TXNDC8: variants seen among roughly 807,000 people sequenced by gnomAD.
The protein encoded by TXNDC8 is thioredoxin domain containing 8.
Under a neutral mutation model 12.9 loss-of-function variants are expected in TXNDC8, and 15 were observed. The ratio of observed to expected loss-of-function variants is 1.16; its 90% CI spans 0.78 to 1.79. The LOEUF is 1.79. Among genes scored for constraint, TXNDC8 ranks in the 40% most tolerant of loss-of-function variants. The pLI, the probability that TXNDC8 is intolerant of heterozygous loss-of-function variation, is 0.00. For missense variants in TXNDC8, 128 were observed against 113.2 expected (o/e 1.13, Z -0.59); for synonymous variants, 40 against 35.4 (o/e 1.13, Z -0.46).
chr9:110,333,087 A>G (rs78390212), intron 2 of TXNDC8, among the ~76,000 whole-genome samples: 7,818 of 152,246 alleles, frequency 0.051, 241 homozygotes, highest in Non-Finnish European at 0.076. Context: ...GGGAAGGAGT[A>G]AATGAGTTGT....
At chr9:110,328,040 C>T (rs1447993273) in intron 2 of TXNDC8, among the ~76,000 whole-genome samples, 1 of 152,178 alleles carries the variant, frequency 6.6e-6, no homozygotes, top group Admixed American at 6.5e-5. Context: ...ATGCTCTGGG[C>T]ACCATGTCAT....
chr9:110,309,130 C>G (rs1838566141), intron 3 of TXNDC8, among the ~76,000 whole-genome samples: 1 of 152,062 alleles, frequency 6.6e-6, no homozygotes, highest in South Asian at 2.1e-4. Context: ...ATTGCTTTTT[C>G]TCTGAAAATT....
Position 110,334,394 on chromosome 9 carries a change from CAGAT to C in TXNDC8, c.25-78_25-75del, listed in dbSNP as rs1481983873. On this transcript the variant is annotated intron_variant, in intron 1 of 4. Coordinates refer to ENST00000423740, the MANE Select transcript of TXNDC8 (RefSeq NM_001286946.2). Reference sequence around the variant, plus strand: ...TGACATTTTGTAGAGAAGAAGATGACAGATTAGTTTTGGTTTTGTTTTTGGTTTT... The same window carrying C: ...TGACATTTTGTAGAGAAGAAGATGACTAGTTTTGGTTTTGTTTTTGGTTTT... 1.4e-5 allele frequency: 19 copies of C among 1,368,186 alleles called. No individual in the cohort carries two copies. The East Asian group carries it at 4.6e-4, about 33-fold the overall frequency. The allele number at this position is 1,368,186 out of a possible 1,614,324, so 84.8% of individuals were successfully genotyped here. A position where few individuals can be genotyped will look rare whatever the true frequency, so the allele number is the denominator to read the frequency against.
chr9:110,316,557 A>G (rs909841017), intron 3 of TXNDC8, among the ~76,000 whole-genome samples: 10 of 152,232 alleles, frequency 6.6e-5, no homozygotes, highest in African/African-American at 7.2e-5. Flanking sequence ...AATAAAAATC[A>G]AGCAAGCAGC....
intron 3 of TXNDC8, among the ~76,000 whole-genome samples, chr9:110,324,986 C>T (rs1839248596): frequency 6.6e-6 from 1 of 152,118 alleles, no homozygotes; most frequent in South Asian, 2.1e-4. Flanking sequence ...TTGGTTCTTG[C>T]CTGTAATCCC....
At chr9:110,335,831 G>T (rs1839729515) in intron 1 of TXNDC8, among the ~76,000 whole-genome samples, 1 of 152,272 alleles carries the variant, frequency 6.6e-6, no homozygotes, top group Non-Finnish European at 1.5e-5. Context: ...GTCAAGCAAG[G>T]CCTATTCCCA....
intron 3 of TXNDC8, among the ~76,000 whole-genome samples, chr9:110,307,556 G>A (rs1325298421): frequency 6.6e-6 from 1 of 152,262 alleles, no homozygotes; most frequent in South Asian, 2.1e-4. Context: ...TGCCCAAAGT[G>A]TTGTGAGAGG....
intron 2 of TXNDC8, among the ~76,000 whole-genome samples, chr9:110,327,334 T>TTC: frequency 6.6e-6 from 1 of 152,002 alleles, no homozygotes; most frequent in South Asian, 2.1e-4. Flanking sequence ...ATATTTTTTT[T>TTC]TTTTTGAGAT....
rs563169772 is a variant in TXNDC8 at position 110,322,345 on chromosome 9, G to A, written c.195+3830C>T. On this transcript the variant is annotated intron_variant, in intron 3 of 4. Coordinates refer to ENST00000423740, the MANE Select transcript of TXNDC8 (RefSeq NM_001286946.2). ...AATATGGAAGTGTAATCATCTTAAT[G>A]GTTTAATTTGTTTTCTAATAGCTGC... The A allele has an allele frequency of 1.0e-5, 10 of 980,162 alleles. No homozygotes were observed. The African/African-American group carries it at 1.7e-4, about 17-fold the overall frequency. 60.7% of individuals were successfully genotyped at this position (980,162 alleles called of 1,614,324 possible). A position where few individuals can be genotyped will look rare whatever the true frequency, so the allele number is the denominator to read the frequency against.
At chr9:110,323,028 C>T (rs1029301758) in intron 3 of TXNDC8, 45 of 985,236 alleles carry the variant, frequency 4.6e-5, no homozygotes, top group Non-Finnish European at 5.4e-5. Flanking sequence ...TGAATGCCAG[C>T]CTTAAATACA....
At chr9:110,319,777 C>A (rs1471401415) in intron 3 of TXNDC8, among the ~76,000 whole-genome samples, 3 of 152,134 alleles carry the variant, frequency 2.0e-5, no homozygotes, top group African/African-American at 7.2e-5. Flanking sequence ...AGTGTGTGAC[C>A]CTTGCTTCCA....
rs561175712 is a variant in TXNDC8, at chr9:110,330,902, G to GT, written c.129+3313dup. ...AACCCACATTTTCTTATGATTCACT[G>GT]TTTTTTTTTTCTTGTTGTAATACAT... On this transcript the variant is annotated intron_variant, in intron 2 of 4. Coordinates refer to ENST00000423740, the MANE Select transcript of TXNDC8 (RefSeq NM_001286946.2). 9.6e-4 allele frequency among the ~76,000 whole-genome samples: 144 copies of GT among 149,282 alleles called. 1 individual carries two copies. The highest frequency in any genetic ancestry group is 1.8e-3 in the African/African-American group (72 of 40,766).
intron 3 of TXNDC8, chr9:110,323,351 G>A (rs1839184525): frequency 2.0e-6 from 2 of 985,254 alleles, no homozygotes; most frequent in African/African-American, 3.5e-5. Context: ...GAGAGATAAA[G>A]TCAAAAGAGA....
chr9:110,323,755 ACT>A (rs1839199390), intron 3 of TXNDC8: 2 of 1,292,812 alleles, frequency 1.5e-6, no homozygotes, highest in South Asian at 1.5e-5. Flanking sequence ...TCTTGGCTTG[ACT>A]CTGTTTTCTT....
intron 3 of TXNDC8, among the ~76,000 whole-genome samples, chr9:110,305,206 TA>T (rs1463371961): frequency 6.6e-6 from 1 of 151,792 alleles, no homozygotes; most frequent in Non-Finnish European, 1.5e-5. Context: ...TAATTGTTTT[TA>T]AAAAATAGAA....
At chr9:110,329,834 T>C (rs1023820181) in intron 2 of TXNDC8, among the ~76,000 whole-genome samples, 2 of 152,214 alleles carry the variant, frequency 1.3e-5, no homozygotes, top group Non-Finnish European at 2.9e-5. Context: ...CTCTGTGCTC[T>C]ACTATGTGTG....
At chr9:110,331,908 G>T (rs1839561302) in intron 2 of TXNDC8, among the ~76,000 whole-genome samples, 1 of 152,188 alleles carries the variant, frequency 6.6e-6, no homozygotes, top group Non-Finnish European at 1.5e-5. Context: ...CTGATCCATG[G>T]CTTGGGGGTT....
At chr9:110,328,706 T>C (rs1007046077) in intron 2 of TXNDC8, among the ~76,000 whole-genome samples, 3 of 152,212 alleles carry the variant, frequency 2.0e-5, no homozygotes, top group Non-Finnish European at 4.4e-5. Context: ...CTCGGGAGGC[T>C]GAGGCAGGAG....
intron 3 of TXNDC8, among the ~76,000 whole-genome samples, chr9:110,305,275 A>G (rs61427497): frequency 6.6e-6 from 1 of 152,130 alleles, no homozygotes; most frequent in Non-Finnish European, 1.5e-5. Flanking sequence ...TCTTCCACTC[A>G]ACATGATGTT....
Sources: allele counts gnomAD v4.1 joint callset (sites outside exome capture counted in the v4.1 genomes callset), GRCh38; gene constraint gnomAD v4.1.1; transcripts MANE v1.5; gene names NCBI Gene and HGNC (gene_info 2026-07-23, HGNC 2026-07-21).